The following FNIP2 variants were observed in gnomAD, a reference collection of about 807,000 sequenced individuals.
The protein encoded by FNIP2 is folliculin interacting protein 2.
FNIP2 carries 32 observed loss-of-function variants against 108.7 expected under a neutral mutation model. The observed-to-expected ratio is 0.29, with a 90% CI of 0.22 to 0.40. The LOEUF is 0.40. Ranked by LOEUF, FNIP2 falls within the 10% of genes least tolerant of loss-of-function variation. The pLI, the probability that FNIP2 is intolerant of heterozygous loss-of-function variation, is 1.00. For synonymous variants in FNIP2, 480 were observed against 496.7 expected (o/e 0.97, Z 0.45); for missense variants, 1,202 against 1,381.6 (o/e 0.87, Z 2.06).
intron 1 of FNIP2, among the ~76,000 whole-genome samples, chr4:158,823,954 G>A (rs1358132013): frequency 6.6e-6 from 1 of 152,142 alleles, no homozygotes; most frequent in Non-Finnish European, 1.5e-5. Context: ...AAGGATGCTG[G>A]GCGTGATAAC....
intron 16 of FNIP2, among the ~76,000 whole-genome samples, chr4:158,904,024 A>C (rs1015978780): frequency 1.2e-4 from 18 of 152,238 alleles, no homozygotes; most frequent in African/African-American, 4.3e-4. Context: ...GTTTTTTAAG[A>C]AATTGCTACC....
chr4:158,827,727 A>T (rs1778235832), intron 2 of FNIP2, among the ~76,000 whole-genome samples: 1 of 152,178 alleles, frequency 6.6e-6, no homozygotes, highest in South Asian at 2.1e-4. Context: ...GTGCTCAGGA[A>T]TAATCAAGTG....
At chr4:158,884,915 C>A (rs1407306944) in intron 14 of FNIP2, among the ~76,000 whole-genome samples, 1 of 149,332 alleles carries the variant, frequency 6.7e-6, no homozygotes, top group Non-Finnish European at 1.5e-5. Context: ...CCGAGGCAGG[C>A]GGATCACTTG....
At chr4:158,814,735 A>G (rs372819944) in intron 1 of FNIP2, among the ~76,000 whole-genome samples, 1 of 152,204 alleles carries the variant, frequency 6.6e-6, no homozygotes, top group Admixed American at 6.5e-5. Context: ...GTAGTGTACA[A>G]GTGTTGAGAA....
intron 1 of FNIP2, among the ~76,000 whole-genome samples, chr4:158,817,102 A>G (rs990415547): frequency 2.0e-5 from 3 of 152,132 alleles, no homozygotes; most frequent in Non-Finnish European, 4.4e-5. Context: ...GATTACAGGC[A>G]TGAGCCACTG....
At chr4:158,887,979 G>T (rs1474014516) in intron 14 of FNIP2, among the ~76,000 whole-genome samples, 1 of 152,164 alleles carries the variant, frequency 6.6e-6, no homozygotes, top group African/African-American at 2.4e-5. Context: ...CAGAACTTTA[G>T]CTTCAACTCT....
In FNIP2 at chr4:158,829,167, C is replaced by T. The variant is rs770867047; in HGVS notation, c.323C>T (p.Ser108Phe). Residue 108 changes from serine to phenylalanine, a missense_variant, in exon 3 of 17, where the codon TCC (serine) becomes TTC (phenylalanine). Around this residue, in one of 5 missense-constraint regions of FNIP2, gnomAD observed 173 missense variants for 165.9 expected, o/e 1.04. Transcript: ENST00000264433. ...VSSSSSSSISSHSSSGGSSHH... is the reference protein window; with the variant it reads ...VSSSSSSSISFHSSSGGSSHH... ...AGCAGTAGCAGCAGCAGCATCTCTT[C>T]CCACAGTTCTTCTGGGGGATCTTCA... The T allele has an allele frequency of 3.7e-6, 6 of 1,613,206 alleles. No individual in the cohort carries two copies. Among genetic ancestry groups the T allele is most frequent in the South Asian group, 1.1e-5 (1 of 90,824 alleles).
chr4:158,791,423 A>G (rs1776416631), intron 1 of FNIP2, among the ~76,000 whole-genome samples: 1 of 151,852 alleles, frequency 6.6e-6, no homozygotes, highest in Non-Finnish European at 1.5e-5. Flanking sequence ...AGCTGGGATT[A>G]CAGGCACCTG....
At chr4:158,877,310 C>A (rs183228484) in intron 14 of FNIP2, among the ~76,000 whole-genome samples, 89 of 152,288 alleles carry the variant, frequency 5.8e-4, no homozygotes, top group African/African-American at 1.7e-3. Flanking sequence ...CCCCTCCAGA[C>A]CATCTTGCCA....
chr4:158,904,736 C>A lies in FNIP2; in HGVS notation c.*192C>A. 1.7e-6 allele frequency: 1 copy of A among 572,852 alleles called. No individual in the cohort carries two copies. The highest frequency in any genetic ancestry group is 3.0e-5 in the Admixed American group (1 of 33,214). The allele number at this position is 572,852 out of a possible 1,614,324, so 35.5% of individuals were successfully genotyped here. On this transcript the variant is annotated 3_prime_UTR_variant, in exon 17 of 17. Coordinates refer to ENST00000264433, the MANE Select transcript of FNIP2 (RefSeq NM_020840.3). ...GACTTAGGTTTACTTGACATAATAG[C>A]ATTTGTGATTGTCGTGAACACTTTA...
rs1780686528 is a variant in FNIP2, at chr4:158,868,073, C to A, written c.1466-29C>A. ...TGTGACATGCTAACCCCAGAGACCACTGCCTTTGTGTCCACCTTTGCTCTC... is the reference window on the plus strand; with the variant it reads ...TGTGACATGCTAACCCCAGAGACCAATGCCTTTGTGTCCACCTTTGCTCTC... On this transcript the variant is annotated intron_variant, in intron 12 of 16. Transcript: ENST00000264433. The surrounding 1 kb of genome is among the most constrained non-coding windows in gnomAD (Gnocchi z 4.6). 1.2e-6 allele frequency: 2 copies of A among 1,606,376 alleles called. No individual in the cohort carries two copies. The highest frequency in any genetic ancestry group is 3.4e-4 in the Middle Eastern group (2 of 5,882).
chr4:158,825,822 TG>T, intron 1 of FNIP2, 93 bp from the exon 2 acceptor site: 1 of 1,447,594 alleles, frequency 6.9e-7, no homozygotes, highest in Non-Finnish European at 9.5e-7. Context: ...CCTTTTGATG[TG>T]CACACAGGCA....
intron 1 of FNIP2, among the ~76,000 whole-genome samples, chr4:158,807,969 G>T (rs1397162637): frequency 6.6e-6 from 1 of 152,104 alleles, no homozygotes; most frequent in Non-Finnish European, 1.5e-5. Context: ...TCAAGAAAGG[G>T]CAGCTGAGTG....
intron 8 of FNIP2, among the ~76,000 whole-genome samples, chr4:158,852,219 G>A (rs962954557): frequency 2.0e-5 from 3 of 152,300 alleles, no homozygotes; most frequent in Non-Finnish European, 4.4e-5. Context: ...GACTCAGGAT[G>A]GAGAAAATAC....
At chr4:158,805,426 G>T (rs1776912162) in intron 1 of FNIP2, among the ~76,000 whole-genome samples, 2 of 152,194 alleles carry the variant, frequency 1.3e-5, no homozygotes, top group Non-Finnish European at 2.9e-5. Context: ...AGTGTCAGAA[G>T]TCAAAATTGA....
rs545707514 is a variant in FNIP2, at chr4:158,830,411, C to T, written c.381+1186C>T. Among the ~76,000 whole-genome samples, 305 of 151,660 alleles carry T rather than the reference C, an allele frequency of 2.0e-3. 1 individual carries two copies. The highest frequency in any genetic ancestry group is 3.4e-3 in the Non-Finnish European group (232 of 67,868). On this transcript the variant is annotated intron_variant, in intron 3 of 16. Coordinates refer to ENST00000264433, the MANE Select transcript of FNIP2 (RefSeq NM_020840.3). Reference sequence around the variant, plus strand: ...CCGAGCAGCTGGGACTACAGGCGCCCGCCACCGCGCCCGGCTAATTTTTTG... The same window carrying T: ...CCGAGCAGCTGGGACTACAGGCGCCTGCCACCGCGCCCGGCTAATTTTTTG...
chr4:158,785,807 T>G (rs1316025262), intron 1 of FNIP2, among the ~76,000 whole-genome samples: 1 of 152,062 alleles, frequency 6.6e-6, no homozygotes, highest in Admixed American at 6.6e-5. Context: ...CCAAGAAATG[T>G]ATGGGGTATT....
chr4:158,800,687 T>G (rs529212741), intron 1 of FNIP2, among the ~76,000 whole-genome samples: 1 of 152,234 alleles, frequency 6.6e-6, no homozygotes, highest in Non-Finnish European at 1.5e-5. Context: ...CGTTCTGATA[T>G]TGTTTTTCTA....
chr4:158,851,259 C>T (rs959158472), intron 7 of FNIP2, 62 bp from the exon 8 acceptor site: 7 of 1,568,652 alleles, frequency 4.5e-6, no homozygotes, highest in South Asian at 1.1e-5. Flanking sequence ...TAATGTTGTG[C>T]ATTATGTAGC....
Sources: allele counts gnomAD v4.1 joint callset (sites outside exome capture counted in the v4.1 genomes callset), GRCh38; gene constraint gnomAD v4.1.1; regional missense constraint gnomAD v4.1.1; non-coding constraint Gnocchi (gnomAD v3.1); transcripts MANE v1.5; gene names NCBI Gene and HGNC (gene_info 2026-07-23, HGNC 2026-07-21).